Variants in ERC2 observed in about 807,000 individuals in gnomAD.
ERC2 encodes ELKS/RAB6-interacting/CAST family member 2.
Under a neutral mutation model 114.8 loss-of-function variants are expected in ERC2, and 42 were observed. The observed-to-expected ratio is 0.37, with a 90% CI of 0.29 to 0.47. The LOEUF (loss-of-function observed/expected upper bound fraction) is 0.47, where lower values mean the gene tolerates loss of function less well. ERC2 is among the 20% of genes least tolerant of loss of function. The probability of loss-of-function intolerance (pLI) is 0.99; values close to 1 mark genes in which losing one functional copy is unlikely to be tolerated. For synonymous variants in ERC2, 454 were observed against 425.5 expected (o/e 1.07, Z -0.82); for missense variants, 939 against 1,150.7 (o/e 0.82, Z 2.66).
chr3:56,165,625 CT>C (rs2082284263), intron 4 of ERC2, among the ~76,000 whole-genome samples: 1 of 151,706 alleles, frequency 6.6e-6, no homozygotes, highest in Non-Finnish European at 1.5e-5. Context: ...TGTGTTATAC[CT>C]TTTTATTTAA....
chr3:56,184,678 T>C (rs1222129551), intron 3 of ERC2, among the ~76,000 whole-genome samples: 1 of 152,124 alleles, frequency 6.6e-6, no homozygotes, highest in Non-Finnish European at 1.5e-5. Context: ...ATTACTAACA[T>C]AACACTTGGT....
At chr3:56,103,772 T>TATCTATCTATCC (rs2078492833) in intron 6 of ERC2, among the ~76,000 whole-genome samples, 4 of 151,982 alleles carry the variant, frequency 2.6e-5, no homozygotes. Context: ...TCTATCTATC[T>TATCTATCTATCC]ATCTATCTAT....
chr3:55,822,190 T>C (rs939730106), intron 14 of ERC2, among the ~76,000 whole-genome samples: 1 of 152,212 alleles, frequency 6.6e-6, no homozygotes, highest in South Asian at 2.1e-4. Flanking sequence ...GAAATTGACA[T>C]GGTGCAGTTG....
At chr3:55,902,385 G>A (rs755959003) in intron 13 of ERC2, among the ~76,000 whole-genome samples, 14 of 152,016 alleles carry the variant, frequency 9.2e-5, no homozygotes, top group African/African-American at 1.7e-4. Flanking sequence ...TCCTCTCGGC[G>A]ATTACTGCGA....
chr3:55,727,030 C>T (rs2064965202), intron 15 of ERC2, among the ~76,000 whole-genome samples: 1 of 152,196 alleles, frequency 6.6e-6, no homozygotes, highest in South Asian at 2.1e-4. Flanking sequence ...ACTACTTCAG[C>T]ACACAGGGGA....
chr3:56,062,405 T>C (rs1276414294), intron 7 of ERC2, among the ~76,000 whole-genome samples: 1 of 152,168 alleles, frequency 6.6e-6, no homozygotes, highest in East Asian at 1.9e-4. Context: ...CCAATTACCA[T>C]GTATCTATCT....
At chr3:55,851,181 A>ATTTTTTTTTTTTTTTTTTTT (rs1482955322) in intron 14 of ERC2, among the ~76,000 whole-genome samples, 2 of 151,850 alleles carry the variant, frequency 1.3e-5, no homozygotes, top group African/African-American at 4.8e-5. Context: ...CTAGATAATG[A>ATTTTTTTTTTTTTTTTTTTT]TTTTTTTAAG....
Position 55,917,923 on chromosome 3 carries a change from T to C in ERC2, c.2404-29374A>G, listed in dbSNP as rs147641088. On this transcript the variant is annotated intron_variant, in intron 13 of 17. Coordinates refer to ENST00000288221, the MANE Select transcript of ERC2 (RefSeq NM_015576.3). ...ACAAATAAAGACACTATCTGCTAAT[T>C]GAGAGTTGCCTTGATTAAGAAAATG... is the stretch of plus-strand genomic sequence containing the variant. Among the ~76,000 whole-genome samples the C allele has an allele frequency of 3.8e-3, 574 of 152,088 alleles. 8 individuals are homozygous for C. The highest frequency in any genetic ancestry group is 0.013 in the African/African-American group (549 of 41,470).
intron 14 of ERC2, among the ~76,000 whole-genome samples, chr3:55,805,279 C>T (rs1421003050): frequency 6.6e-6 from 1 of 151,994 alleles, no homozygotes; most frequent in African/African-American, 2.4e-5. Context: ...GTGCCCTCCC[C>T]ATCCCATTAG....
chr3:55,938,055 C>T (rs138178057), intron 13 of ERC2, among the ~76,000 whole-genome samples: 62 of 152,288 alleles, frequency 4.1e-4, no homozygotes, highest in African/African-American at 1.3e-3. Context: ...AAAAGCCCTA[C>T]GCCCACATTT....
At chr3:56,349,331 C>T (rs1313762967) in intron 2 of ERC2, among the ~76,000 whole-genome samples, 1 of 152,136 alleles carries the variant, frequency 6.6e-6, no homozygotes, top group African/African-American at 2.4e-5. Context: ...ATAAGTGAAC[C>T]ATTGGCTACA....
chr3:55,801,761 A>G (rs1275515634), intron 14 of ERC2, among the ~76,000 whole-genome samples: 1 of 152,236 alleles, frequency 6.6e-6, no homozygotes, highest in Non-Finnish European at 1.5e-5. Context: ...AGAAATTATT[A>G]AGAATTCCAA....
At chr3:55,706,006 C>T in intron 15 of ERC2, among the ~76,000 whole-genome samples, 1 of 152,080 alleles carries the variant, frequency 6.6e-6, no homozygotes, top group Non-Finnish European at 1.5e-5. Flanking sequence ...CGTGCATCTT[C>T]CTCGGCTTGA....
In ERC2 at chr3:55,992,174, G is replaced by A; in HGVS notation, c.2138C>T (p.Ser713Phe). Reference protein sequence around the residue: ...DQIKQLDKEASYYRDECGKAQ... With the variant: ...DQIKQLDKEAFYYRDECGKAQ... ...CTTGCCACACTCGTCGCGGTAGTAA[G>A]ACGCCTCTTTATCGAGCTGTTTTAT... The change falls in exon 11 of 18, where the codon TCT becomes TTT. Residue 713 changes from serine to phenylalanine, a missense_variant. Ser to Phe is a radical substitution (Grantham distance 155). Around this residue, in one of 5 missense-constraint regions of ERC2, gnomAD observed 328 missense variants for 353.9 expected, o/e 0.93. Transcript: ENST00000288221. 6.2e-7 allele frequency: 1 copy of A among 1,613,934 alleles called. No homozygotes were observed. The highest frequency in any genetic ancestry group is 8.5e-7 in the Non-Finnish European group (1 of 1,179,846).
At chr3:56,444,765 C>A (rs190764582) in intron 1 of ERC2, among the ~76,000 whole-genome samples, 3 of 152,186 alleles carry the variant, frequency 2.0e-5, no homozygotes, top group Admixed American at 2.0e-4. Flanking sequence ...CCGCCTCAGC[C>A]CATCACCTGA....
At chr3:56,337,912 TACCAACC>T (rs1340508652) in intron 2 of ERC2, among the ~76,000 whole-genome samples, 1 of 152,178 alleles carries the variant, frequency 6.6e-6, no homozygotes. Context: ...TATGATAGAA[TACCAACC>T]ACATGGTGCA....
chr3:55,670,829 TG>T (rs774477923), intron 17 of ERC2, among the ~76,000 whole-genome samples: 2 of 152,104 alleles, frequency 1.3e-5, no homozygotes, highest in African/African-American at 2.4e-5. Context: ...TTTCAACAGT[TG>T]GGGGGGAATT....
intron 5 of ERC2, among the ~76,000 whole-genome samples, chr3:56,141,141 T>C (rs539421814): frequency 6.6e-6 from 1 of 152,328 alleles, no homozygotes; most frequent in Admixed American, 6.5e-5. Flanking sequence ...TCACTGGTCT[T>C]TTACACTTTT....
chr3:55,577,430 C>G (rs959121789), intron 17 of ERC2, among the ~76,000 whole-genome samples: 1 of 152,116 alleles, frequency 6.6e-6, no homozygotes, highest in Non-Finnish European at 1.5e-5. Flanking sequence ...TTGTGATTCC[C>G]GAGGCACTTG....
Sources: gnomAD v4.1 joint callset for allele counts (sites outside exome capture counted in the v4.1 genomes callset) on GRCh38, gnomAD v4.1.1 for gene constraint, gnomAD v4.1.1 regional missense constraint, MANE v1.5 for transcripts, NCBI Gene and HGNC (gene_info 2026-07-23, HGNC 2026-07-21) for gene names.